COQ9: variants seen among roughly 807,000 people sequenced by gnomAD.
COQ9 encodes the protein ubiquinone biosynthesis protein COQ9, mitochondrial.
Under a neutral mutation model 42.4 loss-of-function variants are expected in COQ9, and 35 were observed. That is an observed-to-expected ratio of 0.83 (90% confidence interval 0.63 to 1.10). The LOEUF (loss-of-function observed/expected upper bound fraction) is 1.10. Among genes scored for constraint, COQ9 ranks in the 50% least tolerant of loss-of-function variants. The pLI is 0.00. For missense variants in COQ9, 406 were observed against 414.6 expected, an observed-to-expected ratio of 0.98 and a Z score of 0.18; for synonymous variants, 155 against 155.1, an observed-to-expected ratio of 1.00 and a Z score of 0.00.
At chr16:57,457,150 T>C (rs781509499) in intron 5 of COQ9, 135 bp downstream of exon 5, 2 of 759,006 alleles carry the variant, frequency 2.6e-6, no homozygotes, top group Non-Finnish European at 4.7e-6. Context: ...CAATACTTAG[T>C]ACACTTGGTA....
chr16:57,460,667 G>A lies in COQ9; in HGVS notation c.*43G>A. On this transcript the variant is annotated 3_prime_UTR_variant, in exon 9 of 9. Transcript: ENST00000262507. ...TACAATGCCTAGAAGAGAATGAGCG[G>A]ACAGATTGAAAGAGCTTTGAAAAGT... 1 of 1,587,378 alleles carries A rather than the reference G, an allele frequency of 6.3e-7. No individual in the cohort carries two copies. Among genetic ancestry groups the A allele is most frequent in the Non-Finnish European group, 8.7e-7 (1 of 1,155,864 alleles).
chr16:57,448,335 CTTTTTTTTCTT>C (rs2030186598), intron 1 of COQ9, among the ~76,000 whole-genome samples: 1 of 148,686 alleles, frequency 6.7e-6, no homozygotes, highest in South Asian at 2.1e-4. Context: ...TATTCTGTTT[CTTTTTTTTCTT>C]TTTTTTTTTT....
intron 1 of COQ9, among the ~76,000 whole-genome samples, chr16:57,449,032 C>T (rs1340445463): frequency 2.0e-5 from 3 of 152,224 alleles, no homozygotes; most frequent in East Asian, 1.9e-4. Context: ...CTAGCATGAA[C>T]GGAGCCCAAC....
chr16:57,455,641 T>G (rs1407821046), intron 3 of COQ9, among the ~76,000 whole-genome samples: 3 of 152,000 alleles, frequency 2.0e-5, no homozygotes, highest in Non-Finnish European at 4.4e-5. Context: ...GGTGGAGAAC[T>G]GGATCAGAAA....
At chr16:57,452,030 A>G (rs2030301295) in intron 2 of COQ9, among the ~76,000 whole-genome samples, 1 of 152,080 alleles carries the variant, frequency 6.6e-6, no homozygotes, top group African/African-American at 2.4e-5. Flanking sequence ...GTTTCTCTAT[A>G]TCTGAAATTA....
At position 57,459,597 on chromosome 16, in the gene COQ9, T is replaced by G. The variant is rs766189479; in HGVS notation, c.744T>G (p.Ala248=). Residue 248 remains alanine, a synonymous_variant, in exon 7 of 9, where the codon GCT becomes GCG. Transcript: ENST00000262507. ...FNWYTRRAML[A]AIYNTTELVM... is the part of the protein sequence containing the mutation. Reference sequence around the variant, plus strand: ...GGTACACCCGCCGAGCCATGCTGGCTGCCATCTACAACACAACAGAGCTGG... The same window carrying G: ...GGTACACCCGCCGAGCCATGCTGGCGGCCATCTACAACACAACAGAGCTGG... 6.2e-7 allele frequency: 1 copy of G among 1,614,172 alleles called. No individual in the cohort carries two copies. Among genetic ancestry groups the G allele is most frequent in the Non-Finnish European group, 8.5e-7 (1 of 1,180,028 alleles).
Position 57,456,643 on chromosome 16 carries a change from C to T in COQ9, c.518C>T (p.Ala173Val), listed in dbSNP as rs184161190. The T allele has an allele frequency of 1.1e-5, 17 of 1,613,342 alleles. No individual in the cohort carries two copies. Among genetic ancestry groups the T allele is most frequent in the Admixed American group, 8.3e-5 (5 of 59,974 alleles). Residue 173 changes from alanine (A) to valine (V), a missense_variant, in exon 4 of 9, where the codon GCG becomes GTG. Physicochemically the swap from Ala to Val is moderately conservative, Grantham distance 64 (BLOSUM62 0). Coordinates refer to ENST00000262507, the MANE Select transcript of COQ9 (RefSeq NM_020312.4). ...EEQKLVQLGQ[A>V]EKRKTDQFLR... ...CAGAAGCTGGTACAGTTGGGCCAGG[C>T]GGAGTAAGTCCCATGGCATTACTAC...
chr16:57,448,548 C>T (rs1385133561), intron 1 of COQ9, among the ~76,000 whole-genome samples: 2 of 151,866 alleles, frequency 1.3e-5, no homozygotes, highest in Non-Finnish European at 2.9e-5. Context: ...CTCAGCCTTC[C>T]TAGTAGCTGG....
intron 8 of COQ9, 28 bp downstream of exon 8, chr16:57,460,132 C>G: frequency 6.2e-7 from 1 of 1,611,388 alleles, no homozygotes; most frequent in Non-Finnish European, 8.5e-7. Context: ...CATCCCTGCC[C>G]CTCCTCTCTC....
chr16:57,447,692 G>GT, intron 1 of COQ9, 114 bp downstream of exon 1: 1 of 933,816 alleles, frequency 1.1e-6, no homozygotes, highest in Non-Finnish European at 1.4e-6. Flanking sequence ...CACGAGCAAG[G>GT]TGAGGTGAAG....
chr16:57,460,165 G>A (rs978502258), intron 8 of COQ9, 61 bp downstream of exon 8: 10 of 1,512,618 alleles, frequency 6.6e-6, no homozygotes, highest in South Asian at 1.1e-5. Flanking sequence ...TGTGATACAT[G>A]TGTTACTGAC....
intron 5 of COQ9, 169 bp from the exon 6 acceptor site, chr16:57,458,077 T>G: frequency 1.5e-6 from 1 of 663,120 alleles, no homozygotes; most frequent in Non-Finnish European, 2.8e-6. Flanking sequence ...TCCTCAGCTG[T>G]AGTCAGCATT....
chr16:57,455,734 C>T (rs1034609989), intron 3 of COQ9, among the ~76,000 whole-genome samples: 1 of 151,906 alleles, frequency 6.6e-6, no homozygotes, highest in African/African-American at 2.4e-5. Context: ...TAGGGTGCAC[C>T]AAGCAGGAGA....
intron 1 of COQ9, 71 bp from the exon 2 acceptor site, chr16:57,450,969 C>CT (rs2030272169): frequency 5.2e-6 from 8 of 1,545,568 alleles, no homozygotes; most frequent in Non-Finnish European, 7.1e-6. Flanking sequence ...TCCTCCTTAT[C>CT]TGTGTTACCA....
chr16:57,459,929 C>G, intron 7 of COQ9, 122 bp from the exon 8 acceptor site: 4 of 1,034,086 alleles, frequency 3.9e-6, no homozygotes, highest in Non-Finnish European at 6.0e-6. Flanking sequence ...AGCTCTCCTT[C>G]CAGTAACGTG....
At position 57,460,734 on chromosome 16, in the gene COQ9, CTAA is replaced by C; in HGVS notation, c.*111_*113del. On this transcript the variant is annotated 3_prime_UTR_variant, in exon 9 of 9. Coordinates refer to ENST00000262507, the MANE Select transcript of COQ9 (RefSeq NM_020312.4). The stretch of plus-strand genomic sequence containing the variant: ...ATAACCTGGTGTTCACGAGAACACA[CTAA>C]AGGACTCCTGAGTCACTACCACAGC... 3.0e-6 allele frequency: 3 copies of C among 1,009,042 alleles called. No individual in the cohort carries two copies. Among genetic ancestry groups the C allele is most frequent in the Non-Finnish European group, 4.6e-6 (3 of 647,846 alleles). The allele number at this position is 1,009,042 out of a possible 1,614,324, so 62.5% of individuals were successfully genotyped here.
intron 3 of COQ9, among the ~76,000 whole-genome samples, chr16:57,455,730 G>T (rs1004523664): frequency 1.3e-5 from 2 of 152,082 alleles, no homozygotes; most frequent in African/African-American, 4.8e-5. Context: ...GAACTAGGGT[G>T]CACCAAGCAG....
intron 8 of COQ9, 56 bp from the exon 9 acceptor site, chr16:57,460,533 G>A: frequency 6.6e-7 from 1 of 1,522,252 alleles, no homozygotes; most frequent in Non-Finnish European, 9.1e-7. Context: ...TTTTCTATTA[G>A]AGTCTAGAGG....
chr16:57,450,996 G>A, intron 1 of COQ9, 44 bp from the exon 2 acceptor site: 1 of 1,609,478 alleles, frequency 6.2e-7, no homozygotes, highest in Admixed American at 1.7e-5. Flanking sequence ...GTCTGAAAGG[G>A]TCTTCTCTGT....
Sources: gnomAD v4.1 joint callset for allele counts (sites outside exome capture counted in the v4.1 genomes callset) on GRCh38, gnomAD v4.1.1 for gene constraint, MANE v1.5 for transcripts, NCBI Gene and HGNC (gene_info 2026-07-23, HGNC 2026-07-21) for gene names.